NAP1L1: variants seen among roughly 807,000 people sequenced by gnomAD.
The protein encoded by NAP1L1 is nucleosome assembly protein 1-like 1.
A neutral mutation model predicts 58.9 loss-of-function variants in NAP1L1; 9 were observed. The observed-to-expected ratio is 0.15, with a 90% CI of 0.09 to 0.27. The LOEUF (loss-of-function observed/expected upper bound fraction) is 0.27. Among genes scored for constraint, NAP1L1 ranks in the 10% least tolerant of loss-of-function variants. The probability of loss-of-function intolerance (pLI) is 1.00; values close to 1 mark genes in which losing one functional copy is unlikely to be tolerated. For missense variants in NAP1L1, 302 were observed against 458.8 expected, an observed-to-expected ratio of 0.66 and a Z score of 3.12; for synonymous variants, 130 against 138.3, an observed-to-expected ratio of 0.94 and a Z score of 0.42.
At chr12:76,062,424 C>T (rs1949459179) in intron 4 of NAP1L1, among the ~76,000 whole-genome samples, 1 of 152,080 alleles carries the variant, frequency 6.6e-6, no homozygotes. Context: ...TGCTGGAGCT[C>T]AGAGAATAAC....
intron 1 of NAP1L1, among the ~76,000 whole-genome samples, chr12:76,075,368 C>T (rs1005044961): frequency 2.6e-5 from 4 of 152,130 alleles, no homozygotes; most frequent in African/African-American, 9.7e-5. Flanking sequence ...AATCTTAATA[C>T]ATATTTAATT....
At chr12:76,078,646 C>T (rs757647802) in intron 1 of NAP1L1, among the ~76,000 whole-genome samples, 33 of 152,124 alleles carry the variant, frequency 2.2e-4, no homozygotes, top group Non-Finnish European at 4.0e-4. Context: ...AAAACTAGAA[C>T]TTCTAGAAAT....
At chr12:76,077,490 T>C (rs919057990) in intron 1 of NAP1L1, among the ~76,000 whole-genome samples, 1 of 152,182 alleles carries the variant, frequency 6.6e-6, no homozygotes, top group African/African-American at 2.4e-5. Context: ...GAAACTCAGC[T>C]TCTGAGAGGT....
At position 76,059,892 on chromosome 12, in the gene NAP1L1, A is replaced by G; in HGVS notation, c.349-14T>C. 1 of 1,547,702 alleles carries G rather than the reference A, an allele frequency of 6.5e-7. No individual in the cohort carries two copies. The highest frequency in any genetic ancestry group is 1.2e-5 in the South Asian group (1 of 83,648). On this transcript the variant is annotated splice_polypyrimidine_tract_variant and intron_variant, in intron 5 of 14. Coordinates refer to ENST00000618691, the MANE Select transcript of NAP1L1 (RefSeq NM_004537.7). ...AATTTCAAATCGCTAAAATGATTTA[A>G]AAAAAAAAGGCTGTATAAAAACACT...
chr12:76,065,775 G>A (rs1264518454), intron 4 of NAP1L1, among the ~76,000 whole-genome samples: 2 of 151,900 alleles, frequency 1.3e-5, no homozygotes, highest in Admixed American at 6.6e-5. Context: ...TCCTATCAAC[G>A]TTTTAAGGTT....
intron 12 of NAP1L1, among the ~76,000 whole-genome samples, chr12:76,050,312 C>T (rs1487715622): frequency 6.6e-6 from 1 of 152,012 alleles, no homozygotes; most frequent in Non-Finnish European, 1.5e-5. Flanking sequence ...AAACTCAGAA[C>T]AATCTTATTA....
At position 76,053,289 on chromosome 12, in the gene NAP1L1, T is replaced by C; in HGVS notation, c.832A>G (p.Lys278Glu). Residue 278 changes from lysine (K) to glutamate (E), a missense_variant, in exon 10 of 15, where the codon AAA becomes GAA. Transcript: ENST00000618691. ...CGAACTGTCCCACGTCCCTTGTGTTTCTGCTTCTTCTTAATAGTTTTCAAA... is the reference window on the plus strand; with the variant it reads ...CGAACTGTCCCACGTCCCTTGTGTTCCTGCTTCTTCTTAATAGTTTTCAAA... ...VTLKTIKKKQ[K>E]HKGRGTVRTV... 6.2e-7 allele frequency: 1 copy of C among 1,614,054 alleles called. No individual in the cohort carries two copies. Among genetic ancestry groups the C allele is most frequent in the Non-Finnish European group, 8.5e-7 (1 of 1,179,948 alleles).
chr12:76,065,782 G>A (rs377215494), intron 4 of NAP1L1, among the ~76,000 whole-genome samples: 3 of 151,920 alleles, frequency 2.0e-5, no homozygotes, highest in Non-Finnish European at 4.4e-5. Flanking sequence ...AACGTTTTAA[G>A]GTTTTTTTGC....
chr12:76,068,893 T>G lies in NAP1L1; in HGVS notation c.103+16A>C. ...TGCCAGCAATCACTGGCTCCTGAAG[T>G]AATTTAAAGTAATACCTTTGAGTTT... On this transcript the variant is annotated intron_variant, in intron 3 of 14. Transcript: ENST00000618691. The G allele has an allele frequency of 6.4e-7, 1 of 1,574,784 alleles. No individual in the cohort carries two copies. Among genetic ancestry groups the G allele is most frequent in the Non-Finnish European group, 8.7e-7 (1 of 1,145,976 alleles).
intron 1 of NAP1L1, among the ~76,000 whole-genome samples, chr12:76,077,948 A>G (rs1166629275): frequency 7.4e-6 from 1 of 135,358 alleles, no homozygotes; most frequent in African/African-American, 2.8e-5. Flanking sequence ...ACACCGCTGC[A>G]CTCCAGCTTG....
chr12:76,060,556 T>C (rs561768741), intron 4 of NAP1L1, among the ~76,000 whole-genome samples: 4 of 152,314 alleles, frequency 2.6e-5, no homozygotes, highest in Admixed American at 2.0e-4. Flanking sequence ...GGACTTGTCA[T>C]TGCTGAAGTC....
intron 7 of NAP1L1, 74 bp downstream of exon 7, chr12:76,055,959 A>T: frequency 6.9e-7 from 1 of 1,442,980 alleles, no homozygotes. Context: ...ACTGAAGAGA[A>T]CAGTGATCAC....
At chr12:76,056,669 C>T (rs572831391) in intron 6 of NAP1L1, 17 of 452,716 alleles carry the variant, frequency 3.8e-5, no homozygotes, top group African/African-American at 3.4e-4. Context: ...CAACAATCCT[C>T]AGCCTACCAT....
At chr12:76,083,267 G>A (rs1950475913) in intron 1 of NAP1L1, among the ~76,000 whole-genome samples, 1 of 152,002 alleles carries the variant, frequency 6.6e-6, no homozygotes, top group Non-Finnish European at 1.5e-5. Flanking sequence ...AAAGGAAACC[G>A]TTAAGTATCT....
intron 12 of NAP1L1, 27 bp from the exon 13 acceptor site, chr12:76,049,812 TTGAG>T: frequency 6.2e-7 from 1 of 1,611,724 alleles, no homozygotes; most frequent in Non-Finnish European, 8.5e-7. Flanking sequence ...GCGTTAAGTG[TTGAG>T]TGAATGTAAC....
intron 7 of NAP1L1, 63 bp downstream of exon 7, chr12:76,055,970 A>G: frequency 6.6e-7 from 1 of 1,524,316 alleles, no homozygotes; most frequent in South Asian, 1.2e-5. Flanking sequence ...CAGTGATCAC[A>G]GCCATTTAAA....
intron 13 of NAP1L1, 176 bp from the exon 14 acceptor site, chr12:76,049,426 CAACTT>C (rs1565713037): frequency 1.3e-6 from 2 of 1,534,284 alleles, no homozygotes; most frequent in Non-Finnish European, 8.7e-7. Context: ...TTTCCCAACA[CAACTT>C]GAGACATCCA....
intron 4 of NAP1L1, among the ~76,000 whole-genome samples, chr12:76,063,674 A>G (rs1361668444): frequency 1.3e-5 from 2 of 151,898 alleles, no homozygotes; most frequent in African/African-American, 2.4e-5. Context: ...GTGCATGCCT[A>G]TAGTCCCAGC....
At chr12:76,057,790 G>C in intron 6 of NAP1L1, 1 of 1,551,486 alleles carries the variant, frequency 6.4e-7, no homozygotes, top group Non-Finnish European at 8.7e-7. Flanking sequence ...TCAAGGTCAA[G>C]GAACAGCAGG....
Sources: allele counts gnomAD v4.1 joint callset (sites outside exome capture counted in the v4.1 genomes callset), GRCh38; gene constraint gnomAD v4.1.1; transcripts MANE v1.5; gene names NCBI Gene and HGNC (gene_info 2026-07-23, HGNC 2026-07-21).